EPB41L1: variants seen among roughly 807,000 people sequenced by gnomAD.
EPB41L1 encodes erythrocyte membrane protein band 4.1 like 1.
A neutral mutation model predicts 97.8 loss-of-function variants in EPB41L1; 29 were observed. The observed-to-expected ratio is 0.30, with a 90% CI of 0.22 to 0.40. The LOEUF (loss-of-function observed/expected upper bound fraction) is 0.40. Ranked by LOEUF, EPB41L1 falls within the 10% of genes least tolerant of loss-of-function variation. The pLI is 1.00. For missense variants in EPB41L1, 812 were observed against 1,162.3 expected (o/e 0.70, Z 4.38); for synonymous variants, 383 against 459.2 (o/e 0.83, Z 2.12).
At chr20:36,104,930 C>T (rs918804723) in intron 1 of EPB41L1, among the ~76,000 whole-genome samples, 1 of 152,124 alleles carries the variant, frequency 6.6e-6, no homozygotes, top group Non-Finnish European at 1.5e-5. Context: ...GGCCAGGGAA[C>T]CCATGAAGGA....
chr20:36,100,963 G>C (rs546146300), intron 1 of EPB41L1, among the ~76,000 whole-genome samples: 1 of 152,180 alleles, frequency 6.6e-6, no homozygotes, highest in South Asian at 2.1e-4. Flanking sequence ...CACTGCATCG[G>C]TATGGGGGGT....
intron 4 of EPB41L1, 117 bp from the exon 5 acceptor site, chr20:36,178,513 G>C: frequency 1.9e-6 from 2 of 1,043,736 alleles, no homozygotes; most frequent in Non-Finnish European, 3.0e-6. Flanking sequence ...GCTTAGCCAA[G>C]GAAGGGCGTT....
chr20:36,135,165 C>A (rs771275595), intron 2 of EPB41L1, among the ~76,000 whole-genome samples: 1 of 152,076 alleles, frequency 6.6e-6, no homozygotes, highest in African/African-American at 2.4e-5. Flanking sequence ...ACCCAGCCTA[C>A]TTTGTATTGT....
chr20:36,104,311 A>G (rs577330190), intron 1 of EPB41L1, among the ~76,000 whole-genome samples: 9 of 152,296 alleles, frequency 5.9e-5, no homozygotes, highest in African/African-American at 1.2e-4. Flanking sequence ...AGAATGGGGA[A>G]GTGGGGTGCA....
intron 14 of EPB41L1, among the ~76,000 whole-genome samples, chr20:36,203,146 C>G (rs188545879): frequency 6.6e-6 from 1 of 152,222 alleles, no homozygotes; most frequent in Non-Finnish European, 1.5e-5. Context: ...TCACGCCAAC[C>G]CCTCGGGCCA....
In EPB41L1 at chr20:36,206,391, G is replaced by A. The variant is rs756786486; in HGVS notation, c.1669-3097G>A. ...CCTCCGACAAGGGAGGACTCCAGTCGTTTCTATTGGATCCAGCCCACGCAG... is the reference window on the plus strand; with the variant it reads ...CCTCCGACAAGGGAGGACTCCAGTCATTTCTATTGGATCCAGCCCACGCAG... On this transcript the variant is annotated intron_variant, in intron 14 of 21. Coordinates refer to ENST00000338074, the MANE Select transcript of EPB41L1 (RefSeq NM_012156.2). The surrounding 1 kb of genome is among the most constrained non-coding windows in gnomAD (Gnocchi z 5.5). The A allele has an allele frequency of 1.4e-5, 18 of 1,290,004 alleles. 1 individual carries two copies. Among genetic ancestry groups the A allele is most frequent in the South Asian group, 1.2e-4 (10 of 81,032 alleles). 79.9% of individuals were successfully genotyped at this position (1,290,004 alleles called of 1,614,324 possible).
At chr20:36,165,514 C>G (rs906347281) in intron 1 of EPB41L1, among the ~76,000 whole-genome samples, 9 of 151,984 alleles carry the variant, frequency 5.9e-5, no homozygotes, top group African/African-American at 1.9e-4. Flanking sequence ...GCCTGGCCAA[C>G]ATGGTGAAAC....
At chr20:36,106,964 G>A (rs971172056) in intron 1 of EPB41L1, among the ~76,000 whole-genome samples, 2 of 152,074 alleles carry the variant, frequency 1.3e-5, no homozygotes, top group Non-Finnish European at 2.9e-5. Context: ...CACCATGCTT[G>A]GCTAATTTTT....
At chr20:36,108,563 A>G (rs2058278788) in intron 1 of EPB41L1, among the ~76,000 whole-genome samples, 1 of 151,900 alleles carries the variant, frequency 6.6e-6, no homozygotes, top group African/African-American at 2.4e-5. Flanking sequence ...AACCCCAGCT[A>G]TTTGGGAAGC....
intron 13 of EPB41L1, 84 bp from the exon 14 acceptor site, chr20:36,197,775 G>A (rs73101495): frequency 0.019 from 31,287 of 1,611,632 alleles, 374 homozygotes; most frequent in Middle Eastern, 0.043. Context: ...GGTGGTGATG[G>A]TGACTGCTGC....
intron 3 of EPB41L1, 77 bp downstream of exon 3, chr20:36,175,792 C>A (rs2145941977): frequency 6.6e-7 from 1 of 1,521,426 alleles, no homozygotes; most frequent in East Asian, 2.3e-5. Context: ...CTGTGTGTAC[C>A]CAGCTTGGGC....
At chr20:36,175,889 C>T (rs2061206018) in intron 3 of EPB41L1, among the ~76,000 whole-genome samples, 174 bp downstream of exon 3, 1 of 152,064 alleles carries the variant, frequency 6.6e-6, no homozygotes, top group African/African-American at 2.4e-5. Flanking sequence ...GCACCAAAGC[C>T]TGGAGAGAGT....
intron 5 of EPB41L1, among the ~76,000 whole-genome samples, 155 bp from the exon 6 acceptor site, chr20:36,182,117 A>C (rs567464080): frequency 6.6e-6 from 1 of 152,220 alleles, no homozygotes; most frequent in South Asian, 2.1e-4. Flanking sequence ...CAGTTTGCTA[A>C]TCTGTCAAAT....
chr20:36,103,197 G>A (rs1056204707), intron 1 of EPB41L1, among the ~76,000 whole-genome samples: 1 of 152,198 alleles, frequency 6.6e-6, no homozygotes. Context: ...TATCCAGGGA[G>A]GTGGCTTTCA....
chr20:36,178,132 C>T (rs1339012910), intron 4 of EPB41L1, 76 bp downstream of exon 4: 1 of 1,052,252 alleles, frequency 9.5e-7, no homozygotes, highest in African/African-American at 1.6e-5. Flanking sequence ...CCAACAGCAT[C>T]CATTAGTGCT....
At chr20:36,196,293 G>A (rs2062198294) in intron 13 of EPB41L1, among the ~76,000 whole-genome samples, 1 of 152,196 alleles carries the variant, frequency 6.6e-6, no homozygotes, top group African/African-American at 2.4e-5. Flanking sequence ...TTTCTCCAAT[G>A]CCCTTAACCT....
chr20:36,115,673 A>G (rs1337383767), intron 2 of EPB41L1, among the ~76,000 whole-genome samples: 4 of 152,048 alleles, frequency 2.6e-5, no homozygotes, highest in African/African-American at 9.7e-5. Flanking sequence ...AGGTGGATCA[A>G]TTGAGGTCGG....
At chr20:36,182,217 G>A in intron 5 of EPB41L1, 55 bp from the exon 6 acceptor site, 2 of 1,529,358 alleles carry the variant, frequency 1.3e-6, no homozygotes, top group Non-Finnish European at 9.1e-7. Flanking sequence ...TGGTGCATCT[G>A]GACCACCCAG....
At chr20:36,149,600 G>A (rs61323929) in intron 2 of EPB41L1, among the ~76,000 whole-genome samples, 3,373 of 152,334 alleles carry the variant, frequency 0.022, 97 homozygotes, top group East Asian at 0.13. Context: ...CTGCCCTGTG[G>A]TGCCCTCTGC....
Sources: allele counts gnomAD v4.1 joint callset (sites outside exome capture counted in the v4.1 genomes callset), GRCh38; gene constraint gnomAD v4.1.1; non-coding constraint Gnocchi (gnomAD v3.1); transcripts MANE v1.5; gene names NCBI Gene and HGNC (gene_info 2026-07-23, HGNC 2026-07-21).